CDC14B: variants seen among roughly 807,000 people sequenced by gnomAD.
The protein encoded by CDC14B is cell division cycle 14B, also known as dual specificity protein phosphatase CDC14B.
A neutral mutation model predicts 64.2 loss-of-function variants in CDC14B; 22 were observed. The observed-to-expected ratio is 0.34, with a 90% CI of 0.24 to 0.49. CDC14B has a LOEUF of 0.49. Ranked by LOEUF, CDC14B falls within the 20% of genes least tolerant of loss-of-function variation. The pLI is 0.99. For missense variants in CDC14B, 498 were observed against 629.9 expected (o/e 0.79, Z 2.24); for synonymous variants, 191 against 215.8 (o/e 0.89, Z 1.01).
intron 1 of CDC14B, among the ~76,000 whole-genome samples, chr9:96,571,209 C>T (rs1377886039): frequency 1.3e-5 from 2 of 150,394 alleles, no homozygotes; most frequent in African/African-American, 4.9e-5. Context: ...CGGAGTCTCG[C>T]TCTGTTGTCA....
intron 1 of CDC14B, among the ~76,000 whole-genome samples, chr9:96,595,883 G>A (rs1048808086): frequency 6.6e-6 from 1 of 151,842 alleles, no homozygotes; most frequent in Admixed American, 6.6e-5. Context: ...ATCAGATCAT[G>A]GTAACAGGTA....
intron 1 of CDC14B, among the ~76,000 whole-genome samples, chr9:96,607,069 T>G (rs1162388952): frequency 6.6e-6 from 1 of 150,828 alleles, no homozygotes; most frequent in Non-Finnish European, 1.5e-5. Context: ...GAATTCCTAA[T>G]CCAGAGCTTT....
intron 1 of CDC14B, among the ~76,000 whole-genome samples, chr9:96,569,367 CAAAA>C (rs57211203): frequency 2.0e-5 from 3 of 151,984 alleles, no homozygotes; most frequent in Non-Finnish European, 2.9e-5. Context: ...CAGTTTCTTT[CAAAA>C]AACCCAATTG....
intron 4 of CDC14B, among the ~76,000 whole-genome samples, chr9:96,557,428 G>A (rs1842636695): frequency 6.6e-6 from 1 of 152,198 alleles, no homozygotes; most frequent in Non-Finnish European, 1.5e-5. Flanking sequence ...CTTACCCACT[G>A]CGTCTAGATC....
intron 13 of CDC14B, among the ~76,000 whole-genome samples, chr9:96,506,081 T>C (rs1174377371): frequency 6.6e-6 from 1 of 152,140 alleles, no homozygotes; most frequent in Non-Finnish European, 1.5e-5. Context: ...AACATGAAAA[T>C]GGAAGGTCAA....
intron 1 of CDC14B, among the ~76,000 whole-genome samples, chr9:96,594,104 C>T (rs1041271452): frequency 2.0e-5 from 3 of 152,114 alleles, no homozygotes; most frequent in Non-Finnish European, 2.9e-5. Context: ...ATACATTATA[C>T]GTTTTTCAAG....
downstream of CDC14B, among the ~76,000 whole-genome samples, chr9:96,495,530 G>T (rs544236509): frequency 2.0e-5 from 3 of 152,170 alleles, no homozygotes; most frequent in Non-Finnish European, 4.4e-5. Flanking sequence ...CGGGTCTTGC[G>T]TCAGAGCAAC....
chr9:96,585,836 T>TA (rs942398527), intron 1 of CDC14B, among the ~76,000 whole-genome samples: 9 of 152,158 alleles, frequency 5.9e-5, no homozygotes, highest in Non-Finnish European at 8.8e-5. Flanking sequence ...TTATAAAAGC[T>TA]AAAAACTGAA....
At chr9:96,596,182 T>C (rs907656302) in intron 1 of CDC14B, among the ~76,000 whole-genome samples, 5 of 151,844 alleles carry the variant, frequency 3.3e-5, no homozygotes, top group African/African-American at 1.2e-4. Context: ...GCCAACATGG[T>C]GAAACCCTGT....
At chr9:96,590,100 G>A (rs139161926) in intron 1 of CDC14B, among the ~76,000 whole-genome samples, 187 of 152,170 alleles carry the variant, frequency 1.2e-3, no homozygotes, top group African/African-American at 3.4e-3. Context: ...GTTTTTCACC[G>A]TGCTAAACTG....
chr9:96,589,902 C>T (rs1403484493), intron 1 of CDC14B, among the ~76,000 whole-genome samples: 1 of 150,070 alleles, frequency 6.7e-6, no homozygotes, highest in Non-Finnish European at 1.5e-5. Context: ...CAGAGCTTGC[C>T]GTGAGCTGAG....
At chr9:96,519,733 A>T (rs1836379014) in intron 12 of CDC14B, among the ~76,000 whole-genome samples, 1 of 124,140 alleles carries the variant, frequency 8.1e-6, no homozygotes, top group African/African-American at 5.7e-5. Context: ...TCTGTCTTAA[A>T]AAAAAAAAAA....
intron 5 of CDC14B, among the ~76,000 whole-genome samples, chr9:96,549,793 T>C (rs1313946112): frequency 1.3e-5 from 2 of 152,258 alleles, no homozygotes; most frequent in Non-Finnish European, 2.9e-5. Flanking sequence ...TACTGACTGA[T>C]GCTCCTGGGA....
At chr9:96,566,606 C>T (rs1184372051) in intron 1 of CDC14B, among the ~76,000 whole-genome samples, 1 of 152,176 alleles carries the variant, frequency 6.6e-6, no homozygotes, top group Non-Finnish European at 1.5e-5. Flanking sequence ...CGCCCATGAG[C>T]GCTGTAGCCC....
At position 96,619,404 on chromosome 9, in the gene CDC14B, G is replaced by A. The variant is rs1330266269; in HGVS notation, c.-26C>T. On this transcript the variant is annotated 5_prime_UTR_variant, in exon 1 of 14. Transcript: ENST00000375241. ...GGAGGCGGCCGCGGCCCGTCAGGGG[G>A]CCACGACCATGGCCCCGCGCGCCCG... 9.4e-6 allele frequency: 11 copies of A among 1,164,800 alleles called. No individual in the cohort carries two copies. The highest frequency in any genetic ancestry group is 4.2e-5 in the South Asian group (1 of 23,762). 72.2% of individuals were successfully genotyped at this position (1,164,800 alleles called of 1,614,324 possible). A position where few individuals can be genotyped will look rare whatever the true frequency, so the allele number is the denominator to read the frequency against.
intron 1 of CDC14B, among the ~76,000 whole-genome samples, chr9:96,594,481 C>CTG (rs1845951548): frequency 2.6e-5 from 4 of 152,094 alleles, no homozygotes; most frequent in African/African-American, 9.6e-5. Context: ...CTTTGGGAGG[C>CTG]CAAGGCAGGT....
chr9:96,545,807 C>T (rs1840735401), intron 5 of CDC14B, among the ~76,000 whole-genome samples: 1 of 151,920 alleles, frequency 6.6e-6, no homozygotes, highest in South Asian at 2.1e-4. Flanking sequence ...TGAAGTCCTG[C>T]CTCATACATC....
At chr9:96,497,090 C>T (rs1000794951), downstream of CDC14B, among the ~76,000 whole-genome samples, 1 of 152,232 alleles carries the variant, frequency 6.6e-6, no homozygotes, top group Non-Finnish European at 1.5e-5. Context: ...TCCCCGAGTC[C>T]CACAACGCAC....
At chr9:96,565,320 C>T (rs1389307797) in intron 2 of CDC14B, 73 bp downstream of exon 2, 1 of 870,880 alleles carries the variant, frequency 1.1e-6, no homozygotes, top group Non-Finnish European at 1.9e-6. Context: ...TTTCCCAGGC[C>T]ATCCCATTTA....
Sources: allele counts gnomAD v4.1 joint callset (sites outside exome capture counted in the v4.1 genomes callset), GRCh38; gene constraint gnomAD v4.1.1; transcripts MANE v1.5; gene names NCBI Gene and HGNC (gene_info 2026-07-23, HGNC 2026-07-21).